Variants in THOC1 observed in about 807,000 individuals in gnomAD.
THOC1 encodes THO complex 1.
Under a neutral mutation model 97.3 loss-of-function variants are expected in THOC1, and 29 were observed. That is an observed-to-expected ratio of 0.30 (90% CI 0.22 to 0.41). THOC1 has a LOEUF of 0.41. Among genes scored for constraint, THOC1 ranks in the 10% least tolerant of loss-of-function variants. The pLI is 1.00. For synonymous variants in THOC1, 255 were observed against 257.0 expected, an observed-to-expected ratio of 0.99 and a Z score of 0.07; for missense variants, 529 against 761.9, an observed-to-expected ratio of 0.69 and a Z score of 3.60.
chr18:263,837 C>A, intron 4 of THOC1, 189 bp downstream of exon 4: 1 of 491,064 alleles, frequency 2.0e-6, no homozygotes, highest in Non-Finnish European at 3.7e-6. Context: ...AAAATGTGCA[C>A]TGCATAATAG....
intron 17 of THOC1, among the ~76,000 whole-genome samples, chr18:221,693 C>G (rs1387102627): frequency 6.8e-6 from 1 of 148,144 alleles, no homozygotes; most frequent in African/African-American, 2.5e-5. Flanking sequence ...ACTGCAAGCT[C>G]CGCCTCCCAG....
In THOC1 at chr18:225,416, G is replaced by A. The variant is rs1911246313; in HGVS notation, c.1020-13C>T. The A allele has an allele frequency of 6.2e-7, 1 of 1,609,780 alleles. No homozygotes were observed. Among genetic ancestry groups the A allele is most frequent in the Admixed American group, 1.7e-5 (1 of 59,104 alleles). ...AACATAGTTTGAACTAGGGAACAAA[G>A]CAATGAAAGCATGCTTGAGTTACAG... On this transcript the variant is annotated splice_polypyrimidine_tract_variant and intron_variant, in intron 12 of 20. Coordinates refer to ENST00000261600, the MANE Select transcript of THOC1 (RefSeq NM_005131.3).
At chr18:233,869 T>C (rs1911580362) in intron 11 of THOC1, among the ~76,000 whole-genome samples, 1 of 152,206 alleles carries the variant, frequency 6.6e-6, no homozygotes, top group Non-Finnish European at 1.5e-5. Flanking sequence ...AAAAAACCCA[T>C]TTGGTCTTTA....
In THOC1 at chr18:214,805, T is replaced by G. The variant is rs1458581066; in HGVS notation, c.1795A>C (p.Ile599Leu). The change falls in exon 21 of 21, where the codon ATT (isoleucine) becomes CTT (leucine). Residue 599 changes from isoleucine to leucine, a missense_variant. Coordinates refer to ENST00000261600, the MANE Select transcript of THOC1 (RefSeq NM_005131.3). ...TCACTGTCACACTCAATCTGCCTAA[T>G]TTCTGAGTCTTTCATTTCCAAGTAG... The part of the protein sequence containing the change: ...APYLEMKDSE[I>L]RQIECDSEDM... 6.2e-7 allele frequency: 1 copy of G among 1,613,862 alleles called. No individual in the cohort carries two copies. Among genetic ancestry groups the G allele is most frequent in the Non-Finnish European group, 8.5e-7 (1 of 1,179,868 alleles).
chr18:262,810 T>C (rs528659808), intron 4 of THOC1, among the ~76,000 whole-genome samples: 1 of 152,294 alleles, frequency 6.6e-6, no homozygotes, highest in East Asian at 1.9e-4. Context: ...ATGTGAATAA[T>C]GCTTTACAGA....
rs759882989 is a variant in THOC1 at position 252,607 on chromosome 18, A to T, written c.609T>A (p.Thr203=). ...CATCCATTCCTTCTTCTCTATCTTCAGTGTGCTAAATTGAAAAAAAAATGT... is the reference window on the plus strand; with the variant it reads ...CATCCATTCCTTCTTCTCTATCTTCTGTGTGCTAAATTGAAAAAAAAATGT... The part of the protein sequence containing the change: ...EQESTLGQKH[T]EDREEGMDVE... The change falls in exon 9 of 21, where the codon ACT becomes ACA. Residue 203 remains threonine, a synonymous_variant. Transcript: ENST00000261600. The T allele has an allele frequency of 6.2e-7, 1 of 1,606,726 alleles. No individual in the cohort carries two copies. Among genetic ancestry groups the T allele is most frequent in the Non-Finnish European group, 8.5e-7 (1 of 1,177,520 alleles).
intron 18 of THOC1, 138 bp downstream of exon 18, chr18:218,748 T>C: frequency 1.5e-6 from 1 of 661,384 alleles, no homozygotes; most frequent in Non-Finnish European, 2.6e-6. Flanking sequence ...AACAAGAACT[T>C]GGAACATAAA....
At position 225,238 on chromosome 18, in the gene THOC1, G is replaced by A. The variant is rs1353602610; in HGVS notation, c.1086+99C>T. 9 of 1,534,634 alleles carry A rather than the reference G, an allele frequency of 5.9e-6. No individual in the cohort carries two copies. The Admixed American group carries it at 9.4e-5, about 16-fold the overall frequency. ...AAGGAGTGTTTGTGGTCTTGTACCT[G>A]AGCTTAACTTTATCCTTATTTTCCT... is the stretch of plus-strand genomic sequence containing the variant. On this transcript the variant is annotated intron_variant, in intron 13 of 20. Transcript: ENST00000261600.
intron 4 of THOC1, among the ~76,000 whole-genome samples, chr18:262,134 CAT>C (rs1247597016): frequency 1.3e-5 from 2 of 152,222 alleles, no homozygotes; most frequent in African/African-American, 4.8e-5. Context: ...TCTTTCTAAG[CAT>C]AGAGTGAATG....
chr18:252,705 G>C (rs756550496), intron 8 of THOC1, 93 bp from the exon 9 acceptor site: 2 of 1,013,090 alleles, frequency 2.0e-6, no homozygotes, highest in Non-Finnish European at 3.0e-6. Context: ...CACATTCCTA[G>C]GCAACCCACA....
At chr18:235,856 T>C (rs1271970943) in intron 11 of THOC1, among the ~76,000 whole-genome samples, 1 of 152,226 alleles carries the variant, frequency 6.6e-6, no homozygotes, top group Non-Finnish European at 1.5e-5. Context: ...CTTATTACTG[T>C]CATTGTTCAA....
chr18:216,663 T>G (rs762128894), intron 18 of THOC1, 30 bp from the exon 19 acceptor site: 64 of 1,598,132 alleles, frequency 4.0e-5, no homozygotes, highest in Non-Finnish European at 5.5e-5. Context: ...GCTTGTAATT[T>G]ATAGCTTTGT....
intron 11 of THOC1, 150 bp from the exon 12 acceptor site, chr18:227,051 G>A (rs532018180): frequency 5.0e-5 from 32 of 642,836 alleles, no homozygotes; most frequent in South Asian, 2.1e-4. Context: ...AGGCATTACC[G>A]CACAAGCCCA....
chr18:263,031 C>A (rs941511096), intron 4 of THOC1, among the ~76,000 whole-genome samples: 3 of 152,174 alleles, frequency 2.0e-5, no homozygotes, highest in African/African-American at 7.2e-5. Context: ...TTAACAGGCT[C>A]CTGCCCAGTT....
At chr18:224,209 T>G in intron 15 of THOC1, 30 bp from the exon 16 acceptor site, 1 of 1,429,978 alleles carries the variant, frequency 7.0e-7, no homozygotes, top group Non-Finnish European at 9.7e-7. Flanking sequence ...CACTATTTTT[T>G]GAATTACAAA....
chr18:224,815 T>C (rs1911221863), intron 15 of THOC1, 109 bp downstream of exon 15: 2 of 857,542 alleles, frequency 2.3e-6, no homozygotes, highest in African/African-American at 1.7e-5. Flanking sequence ...ATGTGAAATA[T>C]ATACATGTAT....
chr18:225,642 A>G (rs1911255176), intron 12 of THOC1: 1 of 492,892 alleles, frequency 2.0e-6, no homozygotes, highest in South Asian at 2.9e-5. Context: ...CAATTAATCA[A>G]TCAGATTCAC....
intron 9 of THOC1, among the ~76,000 whole-genome samples, chr18:249,469 C>T (rs1239848734): frequency 6.6e-6 from 1 of 152,028 alleles, no homozygotes; most frequent in Non-Finnish European, 1.5e-5. Flanking sequence ...CAAGACCAGC[C>T]TGACCAACAT....
intron 4 of THOC1, chr18:260,519 T>C: frequency 2.8e-6 from 1 of 357,694 alleles, no homozygotes; most frequent in South Asian, 8.5e-5. Flanking sequence ...ACAATAATTC[T>C]TGACAAGATC....
Sources: gnomAD v4.1 joint callset for allele counts (sites outside exome capture counted in the v4.1 genomes callset) on GRCh38, gnomAD v4.1.1 for gene constraint, MANE v1.5 for transcripts, NCBI Gene and HGNC (gene_info 2026-07-23, HGNC 2026-07-21) for gene names.